The following RIMS1 variants were observed in gnomAD, a reference collection of about 807,000 sequenced individuals.
RIMS1 encodes regulating synaptic membrane exocytosis protein 1.
A neutral mutation model predicts 214.1 loss-of-function variants in RIMS1; 83 were observed. That is an observed-to-expected ratio of 0.39 (90% CI 0.32 to 0.47). RIMS1 has a LOEUF of 0.47. Ranked by LOEUF, RIMS1 falls within the 20% of genes least tolerant of loss-of-function variation. The pLI is 0.99. For synonymous variants in RIMS1, 793 were observed against 786.8 expected (o/e 1.01, Z -0.13); for missense variants, 2,050 against 2,161.8 (o/e 0.95, Z 1.03).
At chr6:72,198,542 G>A (rs2051383529) in intron 6 of RIMS1, among the ~76,000 whole-genome samples, 1 of 151,910 alleles carries the variant, frequency 6.6e-6, no homozygotes, top group African/African-American at 2.4e-5. Context: ...GCTGCTCAAT[G>A]GGTACAAACT....
At chr6:72,237,384 A>C (rs1001617498) in intron 8 of RIMS1, among the ~76,000 whole-genome samples, 7 of 152,116 alleles carry the variant, frequency 4.6e-5, no homozygotes, top group African/African-American at 1.4e-4. Flanking sequence ...ACTTTAATCA[A>C]AAATGTAGGT....
chr6:71,968,076 G>A (rs1298869696), intron 1 of RIMS1, among the ~76,000 whole-genome samples: 1 of 152,150 alleles, frequency 6.6e-6, no homozygotes, highest in African/African-American at 2.4e-5. Flanking sequence ...ATCCTAAGGG[G>A]CATTCTGTTT....
rs560556513 is a variant in RIMS1 at position 72,394,943 on chromosome 6, G to A, written c.4618+2133G>A. 3.3e-5 allele frequency among the ~76,000 whole-genome samples: 5 copies of A among 151,812 alleles called. No homozygotes were observed. In the South Asian group the frequency reaches 8.4e-4, roughly 25 times the overall value. On this transcript the variant is annotated intron_variant, in intron 31 of 33. Transcript: ENST00000521978. ...TATAATCCACAGAGAAAAACACCAA[G>A]AGATTATTAAACAAAAAGGAAGTAT...
At chr6:72,148,712 GGTT>G (rs2153896999) in intron 4 of RIMS1, 1 of 287,384 alleles carries the variant, frequency 3.5e-6, no homozygotes. Context: ...CGGAGACTTG[GGTT>G]TTTTTTTTTT....
chr6:72,134,833 T>C (rs1297930205), intron 4 of RIMS1, among the ~76,000 whole-genome samples: 1 of 152,048 alleles, frequency 6.6e-6, no homozygotes, highest in Non-Finnish European at 1.5e-5. Context: ...ACAACACACT[T>C]AATGGATAGA....
At chr6:71,998,423 G>A (rs1804143860) in intron 2 of RIMS1, among the ~76,000 whole-genome samples, 1 of 151,984 alleles carries the variant, frequency 6.6e-6, no homozygotes, top group Admixed American at 6.6e-5. Flanking sequence ...TATTCCTTAT[G>A]TTGCTCATCA....
rs1450494590 is a variant in RIMS1, at chr6:72,196,084, G to GAT, written c.1678+12935_1678+12936insAT. Among the ~76,000 whole-genome samples, 9 of 152,006 alleles carry GAT rather than the reference G, an allele frequency of 5.9e-5. No homozygotes were observed. The East Asian group carries it at 1.7e-3, about 29-fold the overall frequency. ...GGATTACAATTCAAGATGAGATTTG[G>GAT]GTGGGGACACAAAGCCTAACCATAT... On this transcript the variant is annotated intron_variant, in intron 6 of 33. Transcript: ENST00000521978.
intron 2 of RIMS1, among the ~76,000 whole-genome samples, chr6:72,055,205 A>G (rs989760117): frequency 3.9e-5 from 6 of 152,214 alleles, no homozygotes; most frequent in Admixed American, 3.3e-4. Context: ...GTGACTGTCA[A>G]GAAATTGCTT....
intron 1 of RIMS1, among the ~76,000 whole-genome samples, chr6:71,897,777 G>A (rs1772276913): frequency 6.6e-6 from 1 of 152,074 alleles, no homozygotes; most frequent in Non-Finnish European, 1.5e-5. Context: ...ATATTGCCTG[G>A]CATAGAATAG....
Position 72,131,543 on chromosome 6 carries a change from C to CGTACT in RIMS1, c.471+31558_471+31559insTACTG, listed in dbSNP as rs199964964. 6.6e-3 allele frequency among the ~76,000 whole-genome samples: 1,001 copies of CGTACT among 152,066 alleles called. 8 individuals are homozygous for CGTACT. Among genetic ancestry groups the CGTACT allele is most frequent in the Middle Eastern group, 0.017 (5 of 294 alleles). On this transcript the variant is annotated intron_variant, in intron 4 of 33. Transcript: ENST00000521978. Reference sequence around the variant, plus strand: ...ACTTTCAAAAGGGGAGGGAGTGTACCGATAGGGTGTGGGTCACAAAGATCA... The same window carrying CGTACT: ...ACTTTCAAAAGGGGAGGGAGTGTACCGTACTGATAGGGTGTGGGTCACAAAGATCA...
At chr6:72,240,630 C>CT (rs11344285) in intron 9 of RIMS1, among the ~76,000 whole-genome samples, 86 of 82,454 alleles carry the variant, frequency 1.0e-3, no homozygotes, top group Admixed American at 2.4e-3. Flanking sequence ...TTTCTTTTTT[C>CT]TTTTTTTTTT....
chr6:72,045,648 C>T (rs2770338), intron 2 of RIMS1, among the ~76,000 whole-genome samples: 70,712 of 151,720 alleles, frequency 0.47, 17,259 homozygotes, highest in East Asian at 0.66. Context: ...GTGACTATTG[C>T]CACAGATGCA....
At chr6:72,086,605 A>C (rs74952755) in intron 2 of RIMS1, among the ~76,000 whole-genome samples, 1,731 of 152,246 alleles carry the variant, frequency 0.011, 11 homozygotes, top group Non-Finnish European at 0.017. Flanking sequence ...CCAGAGCCTT[A>C]AGGAGTGTGG....
At chr6:71,989,749 A>C (rs779050816) in intron 2 of RIMS1, among the ~76,000 whole-genome samples, 2 of 152,130 alleles carry the variant, frequency 1.3e-5, no homozygotes, top group Admixed American at 6.6e-5. Flanking sequence ...GGAATAGAAC[A>C]GTTAGTTAGA....
chr6:72,101,155 T>C (rs2033475334), intron 4 of RIMS1, among the ~76,000 whole-genome samples: 1 of 151,884 alleles, frequency 6.6e-6, no homozygotes, highest in Non-Finnish European at 1.5e-5. Context: ...TTTAAACTGC[T>C]CTCCTGTAGG....
intron 6 of RIMS1, among the ~76,000 whole-genome samples, chr6:72,217,728 T>C (rs1468176375): frequency 6.6e-6 from 1 of 152,190 alleles, no homozygotes; most frequent in East Asian, 1.9e-4. Context: ...ACAGTCCTGA[T>C]TATAGAACAC....
chr6:71,983,201 T>C (rs1798935618), intron 2 of RIMS1, among the ~76,000 whole-genome samples: 1 of 152,256 alleles, frequency 6.6e-6, no homozygotes, highest in Non-Finnish European at 1.5e-5. Context: ...TATTTGTGTG[T>C]TTCTTGGATC....
At chr6:72,023,707 A>T (rs1349868368) in intron 2 of RIMS1, among the ~76,000 whole-genome samples, 1 of 152,090 alleles carries the variant, frequency 6.6e-6, no homozygotes, top group Non-Finnish European at 1.5e-5. Flanking sequence ...ATTGTTACAT[A>T]GTATCGTTGT....
At chr6:72,336,669 GC>G (rs1012994324) in intron 29 of RIMS1, among the ~76,000 whole-genome samples, 5 of 151,714 alleles carry the variant, frequency 3.3e-5, no homozygotes, top group Admixed American at 1.3e-4. Flanking sequence ...AAAATTTTAT[GC>G]TTCTCTTTCT....
Sources: allele counts gnomAD v4.1 joint callset (sites outside exome capture counted in the v4.1 genomes callset), GRCh38; gene constraint gnomAD v4.1.1; transcripts MANE v1.5; gene names NCBI Gene and HGNC (gene_info 2026-07-23, HGNC 2026-07-21).